Variants in IL34 observed in about 807,000 individuals in gnomAD.
IL34 encodes the protein interleukin-34.
Under a neutral mutation model 25.3 loss-of-function variants are expected in IL34, and 17 were observed. That is an observed-to-expected ratio of 0.67 (90% CI 0.46 to 1.01). The LOEUF (loss-of-function observed/expected upper bound fraction) is 1.01. Ranked by LOEUF, IL34 falls within the 50% of genes least tolerant of loss-of-function variation. IL34 has a pLI of 0.00. For synonymous variants in IL34, 174 were observed against 140.9 expected, an observed-to-expected ratio of 1.23 and a Z score of -1.66; for missense variants, 368 against 312.9, an observed-to-expected ratio of 1.18 and a Z score of -1.33.
At chr16:70,659,572 T>C (rs745340705) in intron 4 of IL34, 46 bp from the exon 5 acceptor site, 2 of 1,563,168 alleles carry the variant, frequency 1.3e-6, no homozygotes, top group Admixed American at 3.5e-5. Flanking sequence ...TCTCCTGGGG[T>C]GCGGCCCCAT....
intron 1 of IL34, among the ~76,000 whole-genome samples, chr16:70,616,831 A>T (rs2151832491): frequency 6.6e-6 from 1 of 152,032 alleles, no homozygotes; most frequent in African/African-American, 2.4e-5. Flanking sequence ...TCTTTTGTGG[A>T]TCTTCAGTTA....
rs34798570 is a variant in IL34 at position 70,640,642 on chromosome 16, AGTT to A, written c.-400-5905_-400-5903del. ...CCGTCTCAATAAAAAAAAAAAAAAA[AGTT>A]AGTTTTTAAATATATATATTTCAAT... On this transcript the variant is annotated intron_variant, in intron 1 of 6. Transcript: ENST00000429149. 8.7e-3 allele frequency among the ~76,000 whole-genome samples: 1,311 copies of A among 150,992 alleles called. 8 individuals are homozygous for A. Among genetic ancestry groups the A allele is most frequent in the Middle Eastern group, 0.027 (8 of 294 alleles).
intron 1 of IL34, among the ~76,000 whole-genome samples, chr16:70,650,788 G>A (rs1021239076): frequency 2.6e-5 from 4 of 152,182 alleles, no homozygotes; most frequent in African/African-American, 9.7e-5. Flanking sequence ...GAGACTCTGG[G>A]GCAGGCAGGA....
chr16:70,607,276 G>A (rs1264248042), intron 1 of IL34, among the ~76,000 whole-genome samples: 1 of 151,950 alleles, frequency 6.6e-6, no homozygotes, highest in Non-Finnish European at 1.5e-5. Context: ...TAATTTTTTT[G>A]TATTTTTTTA....
chr16:70,641,412 G>A (rs926972447), intron 1 of IL34, among the ~76,000 whole-genome samples: 1 of 152,096 alleles, frequency 6.6e-6, no homozygotes, highest in Non-Finnish European at 1.5e-5. Context: ...AAGAAGGTGA[G>A]CTTCACTGTC....
intron 1 of IL34, among the ~76,000 whole-genome samples, chr16:70,638,430 C>T (rs1296510379): frequency 1.3e-5 from 2 of 148,680 alleles, no homozygotes; most frequent in Non-Finnish European, 3.0e-5. Flanking sequence ...AGTGAAGATC[C>T]TATCAAAAAA....
intron 1 of IL34, among the ~76,000 whole-genome samples, chr16:70,649,589 A>C (rs941358218): frequency 1.2e-4 from 18 of 152,134 alleles, no homozygotes; most frequent in Non-Finnish European, 2.5e-4. Context: ...ACAAGGTCAC[A>C]CTCGGGTTCG....
intron 4 of IL34, among the ~76,000 whole-genome samples, chr16:70,659,163 C>T (rs534915019): frequency 6.6e-6 from 1 of 152,272 alleles, no homozygotes; most frequent in East Asian, 1.9e-4. Context: ...AGAGAAAGCA[C>T]CCCAGCTTGA....
chr16:70,652,121 C>T (rs867872311), intron 1 of IL34, among the ~76,000 whole-genome samples: 1 of 146,066 alleles, frequency 6.8e-6, no homozygotes, highest in Middle Eastern at 3.5e-3. Flanking sequence ...GAGCGGGACT[C>T]CGTCTCAAAA....
chr16:70,659,670 C>G lies in IL34; in HGVS notation c.455C>G (p.Pro152Arg), dbSNP rs572757320. 9 of 1,613,222 alleles carry G rather than the reference C, an allele frequency of 5.6e-6. No individual in the cohort carries two copies. The African/African-American group carries it at 1.2e-4, about 21-fold the overall frequency. The change falls in exon 5 of 6, where the codon CCA becomes CGA. Residue 152 changes from proline (P) to arginine (R), a missense_variant. Transcript: ENST00000288098. Reference protein sequence around the residue: ...VESVLSLLNAPGPNLKLVRPK... With the variant: ...VESVLSLLNARGPNLKLVRPK... ...TCCGTGTTGTCCCTCTTGAATGCCC[C>G]AGGGCCAAACCTGAAGCTGGTGCGG...
chr16:70,620,836 G>A (rs1034241277), intron 1 of IL34, among the ~76,000 whole-genome samples: 2 of 152,132 alleles, frequency 1.3e-5, no homozygotes, highest in African/African-American at 4.8e-5. Context: ...TTAGGTTTTA[G>A]GTCAGGTGTG....
chr16:70,654,314 G>A, intron 1 of IL34: 2 of 426,294 alleles, frequency 4.7e-6, no homozygotes, highest in Non-Finnish European at 8.2e-6. Flanking sequence ...TGGCCGGCAT[G>A]GGGTGGGTGT....
intron 1 of IL34, among the ~76,000 whole-genome samples, chr16:70,622,875 C>G (rs1339533382): frequency 6.6e-6 from 1 of 151,982 alleles, no homozygotes; most frequent in Admixed American, 6.6e-5. Flanking sequence ...TGCAGCGGCA[C>G]CCGCTGTATG....
At chr16:70,648,736 T>C (rs547228730) in intron 1 of IL34, among the ~76,000 whole-genome samples, 9 of 151,898 alleles carry the variant, frequency 5.9e-5, no homozygotes, top group Admixed American at 5.9e-4. Context: ...GCTGAGGAAG[T>C]TGGGCTGCCA....
chr16:70,648,982 A>G (rs1198451752), intron 1 of IL34, among the ~76,000 whole-genome samples: 1 of 151,994 alleles, frequency 6.6e-6, no homozygotes, highest in Non-Finnish European at 1.5e-5. Flanking sequence ...GTGTGTCTCT[A>G]TGTCCTCTCC....
intron 1 of IL34, among the ~76,000 whole-genome samples, chr16:70,583,434 G>A (rs1438427459): frequency 2.6e-5 from 4 of 152,092 alleles, no homozygotes; most frequent in African/African-American, 4.8e-5. Flanking sequence ...TGAGATGCCT[G>A]TTCTTGCGGC....
At chr16:70,641,533 C>T (rs1304155256) in intron 1 of IL34, among the ~76,000 whole-genome samples, 2 of 148,868 alleles carry the variant, frequency 1.3e-5, no homozygotes, top group East Asian at 2.0e-4. Context: ...TCCTCCCTCC[C>T]TCCCTTCCTT....
At chr16:70,620,747 C>T (rs2151837013) in intron 1 of IL34, among the ~76,000 whole-genome samples, 1 of 152,196 alleles carries the variant, frequency 6.6e-6, no homozygotes, top group Non-Finnish European at 1.5e-5. Flanking sequence ...TGGAAAAATT[C>T]AAAGTGCTAT....
intron 2 of IL34, 150 bp downstream of exon 2, chr16:70,654,821 A>G: frequency 3.0e-6 from 3 of 1,006,486 alleles, no homozygotes; most frequent in East Asian, 2.7e-5. Flanking sequence ...AAACCTACCC[A>G]TGCACCTGGT....
Sources: gnomAD v4.1 joint callset for allele counts (sites outside exome capture counted in the v4.1 genomes callset) on GRCh38, gnomAD v4.1.1 for gene constraint, MANE v1.5 for transcripts, NCBI Gene and HGNC (gene_info 2026-07-23, HGNC 2026-07-21) for gene names.